ZRANB3: variants seen among roughly 807,000 people sequenced by gnomAD.
ZRANB3 encodes DNA annealing helicase and endonuclease ZRANB3.
In ZRANB3, 125 loss-of-function variants were observed where a neutral mutation model predicts 133.8. That is an observed-to-expected ratio of 0.93 (90% CI 0.81 to 1.08). ZRANB3 has a LOEUF of 1.08. Ranked by LOEUF, ZRANB3 falls within the 50% of genes least tolerant of loss-of-function variation. ZRANB3 has a pLI of 0.00. For synonymous variants in ZRANB3, 387 were observed against 432.7 expected (o/e 0.89, Z 1.31); for missense variants, 1,229 against 1,275.5 (o/e 0.96, Z 0.56).
intron 3 of ZRANB3, among the ~76,000 whole-genome samples, chr2:135,360,820 G>C (rs538439479): frequency 6.6e-6 from 1 of 152,266 alleles, no homozygotes; most frequent in Non-Finnish European, 1.5e-5. Context: ...GGAGTGCTGT[G>C]GCCTGGCCTG....
At chr2:135,200,504 A>C in intron 20 of ZRANB3, 64 bp from the exon 21 acceptor site, 1 of 1,336,964 alleles carries the variant, frequency 7.5e-7, no homozygotes, top group South Asian at 1.3e-5. Context: ...AAAAGCTCAA[A>C]AACTCTTTAT....
intron 2 of ZRANB3, among the ~76,000 whole-genome samples, chr2:135,407,704 C>G (rs1172627000): frequency 2.6e-5 from 4 of 151,650 alleles, no homozygotes; most frequent in Admixed American, 6.6e-5. Context: ...ACAAACCTGA[C>G]AAAAACAATA....
chr2:135,311,580 A>C (rs1053076423), intron 8 of ZRANB3, among the ~76,000 whole-genome samples: 1 of 146,378 alleles, frequency 6.8e-6, no homozygotes, highest in Non-Finnish European at 1.5e-5. Flanking sequence ...AGGTGAAAGA[A>C]TAAAAAAAAA....
At chr2:135,415,726 G>A (rs897371883) in intron 2 of ZRANB3, among the ~76,000 whole-genome samples, 6 of 152,114 alleles carry the variant, frequency 3.9e-5, no homozygotes, top group Admixed American at 6.6e-5. Flanking sequence ...CTGGCAAACC[G>A]AATCCAGCAG....
chr2:135,260,248 G>C (rs1679891068), intron 12 of ZRANB3, among the ~76,000 whole-genome samples: 1 of 152,184 alleles, frequency 6.6e-6, no homozygotes, highest in Admixed American at 6.5e-5. Context: ...TTAGAAGTCA[G>C]ACACATTCAG....
intron 3 of ZRANB3, among the ~76,000 whole-genome samples, chr2:135,373,705 T>C (rs1686284403): frequency 6.7e-6 from 1 of 150,118 alleles, no homozygotes; most frequent in African/African-American, 2.4e-5. Context: ...TAAGAATCGC[T>C]TGAACACAGG....
intron 3 of ZRANB3, among the ~76,000 whole-genome samples, chr2:135,378,542 T>A (rs1686532122): frequency 6.6e-6 from 1 of 150,748 alleles, no homozygotes; most frequent in Non-Finnish European, 1.5e-5. Flanking sequence ...ATTCCTAAAG[T>A]ATGGGCTGTG....
At chr2:135,412,966 T>G (rs1408200706) in intron 2 of ZRANB3, among the ~76,000 whole-genome samples, 1 of 152,194 alleles carries the variant, frequency 6.6e-6, no homozygotes, top group Non-Finnish European at 1.5e-5. Flanking sequence ...ATTATGTACC[T>G]TGAAATTATT....
chr2:135,445,450 A>C (rs1439451192), intron 2 of ZRANB3, among the ~76,000 whole-genome samples: 4 of 152,084 alleles, frequency 2.6e-5, no homozygotes, highest in Non-Finnish European at 5.9e-5. Flanking sequence ...CTAAATAAAT[A>C]AGTAAATAAA....
intron 6 of ZRANB3, among the ~76,000 whole-genome samples, chr2:135,340,709 C>T (rs562616842): frequency 7.2e-5 from 11 of 151,798 alleles, no homozygotes; most frequent in Admixed American, 1.3e-4. Flanking sequence ...AAAAATTAGC[C>T]GGGTGTGGTG....
chr2:135,274,030 C>T (rs1029717679), intron 9 of ZRANB3, among the ~76,000 whole-genome samples: 1 of 152,120 alleles, frequency 6.6e-6, no homozygotes. Context: ...GGTTAATTAA[C>T]TCTTAGAGGG....
At chr2:135,404,326 C>T (rs1020564356) in intron 2 of ZRANB3, among the ~76,000 whole-genome samples, 5 of 152,170 alleles carry the variant, frequency 3.3e-5, no homozygotes, top group African/African-American at 1.2e-4. Flanking sequence ...GTAGCCAATT[C>T]TATCAACTGG....
At chr2:135,304,501 C>A (rs1682584508) in intron 8 of ZRANB3, among the ~76,000 whole-genome samples, 1 of 152,060 alleles carries the variant, frequency 6.6e-6, no homozygotes, top group Admixed American at 6.5e-5. Flanking sequence ...GAACACTGAC[C>A]TATAGTTTTC....
intron 2 of ZRANB3, among the ~76,000 whole-genome samples, chr2:135,403,398 G>T (rs1574045857): frequency 6.6e-6 from 1 of 152,212 alleles, no homozygotes; most frequent in African/African-American, 2.4e-5. Flanking sequence ...CGGCAGCAAG[G>T]CTGGGGGAGA....
intron 2 of ZRANB3, among the ~76,000 whole-genome samples, chr2:135,445,477 T>C (rs1574114925): frequency 6.6e-6 from 1 of 152,046 alleles, no homozygotes; most frequent in Non-Finnish European, 1.5e-5. Flanking sequence ...AATAGTGTGC[T>C]TTTATGGTAA....
intron 2 of ZRANB3, among the ~76,000 whole-genome samples, chr2:135,420,608 G>A (rs1449160862): frequency 6.6e-6 from 1 of 152,118 alleles, no homozygotes; most frequent in Non-Finnish European, 1.5e-5. Flanking sequence ...TTCTGAGGCT[G>A]AAGTGTGCAT....
At chr2:135,357,245 C>A (rs1056259519) in intron 3 of ZRANB3, among the ~76,000 whole-genome samples, 1 of 151,804 alleles carries the variant, frequency 6.6e-6, no homozygotes, top group East Asian at 1.9e-4. Flanking sequence ...GGACTACAGG[C>A]GAGTGCCACC....
intron 1 of ZRANB3, among the ~76,000 whole-genome samples, chr2:135,521,973 A>T (rs1355916836): frequency 6.6e-6 from 1 of 152,030 alleles, no homozygotes; most frequent in Non-Finnish European, 1.5e-5. Flanking sequence ...CTGAGGAGAA[A>T]AGTCTCCTTA....
intron 2 of ZRANB3, among the ~76,000 whole-genome samples, chr2:135,397,668 G>A (rs952340997): frequency 3.3e-5 from 5 of 152,092 alleles, no homozygotes; most frequent in African/African-American, 1.2e-4. Flanking sequence ...TTTAGCAGGA[G>A]GGCTACTAAA....
Sources: allele counts gnomAD v4.1 joint callset (sites outside exome capture counted in the v4.1 genomes callset), GRCh38; gene constraint gnomAD v4.1.1; transcripts MANE v1.5; gene names NCBI Gene and HGNC (gene_info 2026-07-23, HGNC 2026-07-21).